Variants in TMEM117 observed in about 807,000 individuals in gnomAD.
TMEM117 encodes transmembrane protein 117.
A neutral mutation model predicts 52.4 loss-of-function variants in TMEM117; 27 were observed. That is an observed-to-expected ratio of 0.51 (90% confidence interval 0.38 to 0.71). TMEM117 has a LOEUF of 0.71. Among genes scored for constraint, TMEM117 ranks in the 30% least tolerant of loss-of-function variants. The pLI, the probability that TMEM117 is intolerant of heterozygous loss-of-function variation, is 0.00. For synonymous variants in TMEM117, 215 were observed against 206.3 expected (o/e 1.04, Z -0.36); for missense variants, 556 against 630.5 (o/e 0.88, Z 1.26).
At chr12:43,882,483 A>T in intron 2 of TMEM117, among the ~76,000 whole-genome samples, 1 of 151,356 alleles carries the variant, frequency 6.6e-6, no homozygotes, top group Non-Finnish European at 1.5e-5. Flanking sequence ...AAAAAGAAAT[A>T]TTATGTTTAT....
chr12:43,872,370 CTG>C (rs10548388), intron 2 of TMEM117, among the ~76,000 whole-genome samples: 109,946 of 151,994 alleles, frequency 0.72, 43,110 homozygotes, highest in East Asian at 0.93. Flanking sequence ...AAAAAGGCGT[CTG>C]TACCTCTAAC....
At chr12:44,331,240 T>A (rs1951267220) in intron 6 of TMEM117, among the ~76,000 whole-genome samples, 1 of 151,900 alleles carries the variant, frequency 6.6e-6, no homozygotes, top group Non-Finnish European at 1.5e-5. Context: ...GTGAGCCACC[T>A]TAGTAGTACT....
At chr12:44,398,056 A>G in the TMEM117 span, among the ~76,000 whole-genome samples, 9 of 151,226 alleles carry the variant, frequency 6.0e-5, no homozygotes, top group Non-Finnish European at 8.8e-5. Flanking sequence ...TGAAGGACAG[A>G]GTAGAGGGAT....
At chr12:44,242,434 C>T (rs944801880) in intron 5 of TMEM117, among the ~76,000 whole-genome samples, 1 of 151,830 alleles carries the variant, frequency 6.6e-6, no homozygotes, top group African/African-American at 2.4e-5. Context: ...ATAATGGACT[C>T]CAGCTCCATC....
At chr12:43,844,352 GT>G (rs1943164276) in intron 1 of TMEM117, among the ~76,000 whole-genome samples, 5 of 152,184 alleles carry the variant, frequency 3.3e-5, no homozygotes, top group African/African-American at 1.2e-4. Context: ...ATTTTGGACA[GT>G]GTTCTGCCCT....
chr12:44,347,257 A>G (rs1419486151), intron 6 of TMEM117, among the ~76,000 whole-genome samples: 1 of 152,098 alleles, frequency 6.6e-6, no homozygotes, highest in African/African-American at 2.4e-5. Context: ...TTCAAATGCC[A>G]TGCATTTTTA....
intron 2 of TMEM117, among the ~76,000 whole-genome samples, chr12:43,851,852 C>A (rs992246758): frequency 2.0e-5 from 3 of 152,150 alleles, no homozygotes; most frequent in African/African-American, 7.2e-5. Flanking sequence ...TTTCTTTGCA[C>A]CAAATTGTAG....
intron 7 of TMEM117, among the ~76,000 whole-genome samples, chr12:44,379,631 C>T (rs894206362): frequency 1.3e-5 from 2 of 152,222 alleles, no homozygotes; most frequent in South Asian, 4.1e-4. Flanking sequence ...CTGTGAAGGG[C>T]TTTTTACTTT....
intron 3 of TMEM117, among the ~76,000 whole-genome samples, chr12:43,992,425 G>C (rs982169602): frequency 2.6e-5 from 4 of 151,794 alleles, no homozygotes; most frequent in African/African-American, 9.7e-5. Flanking sequence ...ATGCCATCCT[G>C]CCTGGCTAAT....
intron 3 of TMEM117, among the ~76,000 whole-genome samples, chr12:44,088,287 C>T (rs959056870): frequency 8.5e-5 from 13 of 152,256 alleles, no homozygotes; most frequent in Middle Eastern, 3.4e-3. Context: ...AATGTAGTTT[C>T]ACCAGTGTTT....
chr12:44,086,485 G>C (rs574721990), intron 3 of TMEM117, among the ~76,000 whole-genome samples: 2 of 152,104 alleles, frequency 1.3e-5, no homozygotes, highest in Non-Finnish European at 2.9e-5. Context: ...AAAGTGCTGG[G>C]ATTACAGGCG....
chr12:44,370,467 C>T (rs1951847530), intron 6 of TMEM117, among the ~76,000 whole-genome samples: 1 of 151,226 alleles, frequency 6.6e-6, no homozygotes, highest in Non-Finnish European at 1.5e-5. Context: ...TTACTTATAT[C>T]CATCCTGTGT....
intron 4 of TMEM117, among the ~76,000 whole-genome samples, chr12:44,158,635 A>G (rs1948859174): frequency 6.6e-6 from 1 of 152,182 alleles, no homozygotes; most frequent in Non-Finnish European, 1.5e-5. Flanking sequence ...TTTGGTTGCC[A>G]TGGCATCTTA....
Position 43,928,683 on chromosome 12 carries a change from C to T in TMEM117, c.278-15527C>T, listed in dbSNP as rs868609657. On this transcript the variant is annotated intron_variant, in intron 2 of 7. Transcript: ENST00000266534. The stretch of plus-strand genomic sequence containing the variant: ...TATGTATACATGTGCCATGCTGGTG[C>T]GCTGCACCCACTAACTCGTCATCTA... 1.5e-3 allele frequency among the ~76,000 whole-genome samples: 234 copies of T among 151,034 alleles called. 1 individual carries two copies. Among genetic ancestry groups the T allele is most frequent in the African/African-American group, 4.8e-3 (199 of 41,194 alleles).
intron 5 of TMEM117, among the ~76,000 whole-genome samples, chr12:44,220,324 T>A (rs901821704): frequency 7.9e-5 from 12 of 152,124 alleles, no homozygotes; most frequent in Admixed American, 7.9e-4. Context: ...AAGACTGAAG[T>A]TAACAGAGAA....
chr12:44,081,151 G>T (rs1947475553), intron 3 of TMEM117, among the ~76,000 whole-genome samples: 1 of 152,044 alleles, frequency 6.6e-6, no homozygotes, highest in African/African-American at 2.4e-5. Context: ...ATTTTTTGAA[G>T]AAATAGATAA....
At chr12:44,237,720 TA>T (rs1408109680) in intron 5 of TMEM117, among the ~76,000 whole-genome samples, 5 of 147,066 alleles carry the variant, frequency 3.4e-5, no homozygotes, top group South Asian at 4.3e-4. Context: ...CTGTCTCAAT[TA>T]AAAAAAAAAC....
At chr12:44,167,559 C>T (rs1392478925) in intron 4 of TMEM117, among the ~76,000 whole-genome samples, 3 of 151,914 alleles carry the variant, frequency 2.0e-5, no homozygotes, top group South Asian at 2.1e-4. Flanking sequence ...TCCAGCTACT[C>T]GGGAGGCTGA....
intron 4 of TMEM117, among the ~76,000 whole-genome samples, chr12:44,206,383 T>C (rs1266222793): frequency 1.3e-5 from 2 of 152,208 alleles, no homozygotes; most frequent in Non-Finnish European, 2.9e-5. Flanking sequence ...CATGAGCATG[T>C]CACAGTGCTG....
Sources: gnomAD v4.1 joint callset for allele counts (sites outside exome capture counted in the v4.1 genomes callset) on GRCh38, gnomAD v4.1.1 for gene constraint, MANE v1.5 for transcripts, NCBI Gene and HGNC (gene_info 2026-07-23, HGNC 2026-07-21) for gene names.